Variants in PIWIL3 observed in about 807,000 individuals in gnomAD.
PIWIL3 encodes the protein piwi like RNA-mediated gene silencing 3.
A neutral mutation model predicts 109.7 loss-of-function variants in PIWIL3; 101 were observed. The observed-to-expected ratio is 0.92, with a 90% CI of 0.78 to 1.09. PIWIL3 has a LOEUF of 1.09. Among genes scored for constraint, PIWIL3 ranks in the 50% least tolerant of loss-of-function variants. The pLI is 0.00. For synonymous variants in PIWIL3, 373 were observed against 376.4 expected, an observed-to-expected ratio of 0.99 and a Z score of 0.10; for missense variants, 1,031 against 1,072.6, an observed-to-expected ratio of 0.96 and a Z score of 0.54.
intron 12 of PIWIL3, among the ~76,000 whole-genome samples, 179 bp from the exon 13 acceptor site, chr22:24,736,071 T>C (rs1422192515): frequency 6.6e-6 from 1 of 152,220 alleles, no homozygotes; most frequent in African/African-American, 2.4e-5. Flanking sequence ...AATTCTATCC[T>C]AGGTGTTAAA....
In PIWIL3 at chr22:24,754,008, A is replaced by G. The variant is rs762422313; in HGVS notation, c.977+6T>C. The G allele has an allele frequency of 6.3e-7, 1 of 1,590,420 alleles. No homozygotes were observed. Among genetic ancestry groups the G allele is most frequent in the South Asian group, 1.1e-5 (1 of 90,550 alleles). On this transcript the variant is annotated splice_donor_region_variant and intron_variant, in intron 8 of 20. Coordinates refer to ENST00000616349, the MANE Select transcript of PIWIL3 (RefSeq NM_001255975.1). ...GATTGGATAGGTTTTTAAAAGACAG[A>G]CTTACTTTGTCAGAACAATTGATCC...
intron 3 of PIWIL3, among the ~76,000 whole-genome samples, chr22:24,759,222 A>G (rs908004346): frequency 2.6e-5 from 4 of 152,262 alleles, no homozygotes; most frequent in Non-Finnish European, 4.4e-5. Context: ...ACAACCCTTC[A>G]GATAGGATCT....
At chr22:24,751,086 T>C (rs1245215705) in intron 9 of PIWIL3, among the ~76,000 whole-genome samples, 1 of 151,378 alleles carries the variant, frequency 6.6e-6, no homozygotes, top group African/African-American at 2.4e-5. Flanking sequence ...ATCATGCCAC[T>C]GCATTCCAGC....
At chr22:24,724,838 C>T in intron 18 of PIWIL3, 49 bp downstream of exon 18, 1 of 1,571,494 alleles carries the variant, frequency 6.4e-7, no homozygotes, top group South Asian at 1.2e-5. Context: ...TTCCAAAGTG[C>T]TGGGATTACA....
chr22:24,731,801 G>A (rs1044978044), intron 14 of PIWIL3, among the ~76,000 whole-genome samples: 7 of 151,972 alleles, frequency 4.6e-5, no homozygotes, highest in Admixed American at 3.3e-4. Context: ...CCTGTAACTC[G>A]TTACAGAAAT....
intron 14 of PIWIL3, among the ~76,000 whole-genome samples, chr22:24,731,784 C>A (rs917512753): frequency 3.3e-5 from 5 of 152,158 alleles, no homozygotes; most frequent in Admixed American, 1.3e-4. Context: ...AATTTCCAGG[C>A]CTTCTCCCTG....
chr22:24,761,559 C>T (rs537262421), intron 2 of PIWIL3, among the ~76,000 whole-genome samples: 1 of 152,294 alleles, frequency 6.6e-6, no homozygotes, highest in East Asian at 1.9e-4. Context: ...CACCTGCTGA[C>T]TTGGGAGACA....
rs762503923 is a variant in PIWIL3 at position 24,751,483 on chromosome 22, G to C, written c.993C>G (p.Thr331=). 3.4e-5 allele frequency: 54 copies of C among 1,610,928 alleles called. No individual in the cohort carries two copies. The highest frequency in any genetic ancestry group is 4.5e-5 in the Non-Finnish European group (53 of 1,179,376). ...SIVLTKYNNK[T]YRVDDIDWKQ... is the part of the protein sequence containing the mutation. ...TCCAATCAATATCATCTACTCTGTA[G>C]GTTTTGTTGTTGTATCTGTGGAATA... is the stretch of plus-strand genomic sequence containing the variant. Residue 331 remains threonine (T), a synonymous_variant, in exon 9 of 21, where the codon ACC becomes ACG. Coordinates refer to ENST00000616349, the MANE Select transcript of PIWIL3 (RefSeq NM_001255975.1).
At chr22:24,766,783 A>C (rs996353344) in intron 1 of PIWIL3, among the ~76,000 whole-genome samples, 3 of 152,068 alleles carry the variant, frequency 2.0e-5, no homozygotes, top group Middle Eastern at 3.4e-3. Flanking sequence ...TTGAAATTGC[A>C]CCATTATCCT....
intron 5 of PIWIL3, 66 bp from the exon 6 acceptor site, chr22:24,755,971 C>A: frequency 6.5e-7 from 1 of 1,534,062 alleles, no homozygotes; most frequent in East Asian, 2.3e-5. Context: ...CTTCATTGCA[C>A]GGCAAATCAC....
At chr22:24,764,542 AAAAAT>A (rs149445857) in intron 1 of PIWIL3, among the ~76,000 whole-genome samples, 5,486 of 152,180 alleles carry the variant, frequency 0.036, 132 homozygotes, top group African/African-American at 0.051. Context: ...GTTCTTAAAT[AAAAAT>A]AAAATAAAAA....
intron 9 of PIWIL3, among the ~76,000 whole-genome samples, chr22:24,750,168 G>A (rs560968705): frequency 6.6e-5 from 10 of 151,912 alleles, no homozygotes; most frequent in African/African-American, 1.4e-4. Context: ...ACTGAAAACC[G>A]TCAAGAGGAC....
At chr22:24,737,057 T>C (rs910702634) in intron 12 of PIWIL3, among the ~76,000 whole-genome samples, 4 of 152,114 alleles carry the variant, frequency 2.6e-5, no homozygotes, top group Non-Finnish European at 4.4e-5. Context: ...TCAGAGCTCA[T>C]AAACTAGGGG....
chr22:24,740,792 C>T (rs2147676540), intron 12 of PIWIL3, among the ~76,000 whole-genome samples: 1 of 152,132 alleles, frequency 6.6e-6, no homozygotes. Context: ...CAAAAAAAGT[C>T]CAGGACCAGA....
intron 1 of PIWIL3, among the ~76,000 whole-genome samples, chr22:24,768,616 C>T (rs1655501982): frequency 6.6e-6 from 1 of 152,180 alleles, no homozygotes; most frequent in Admixed American, 6.5e-5. Context: ...CTGTGGCTGA[C>T]AGCAATGTCT....
chr22:24,756,845 C>T, intron 4 of PIWIL3, 140 bp from the exon 5 acceptor site: 5 of 696,992 alleles, frequency 7.2e-6, no homozygotes, highest in Non-Finnish European at 1.2e-5. Flanking sequence ...TCTGGGAGGC[C>T]AAGGCGGGTG....
At chr22:24,723,636 AAAG>A (rs1438896333) in intron 18 of PIWIL3, among the ~76,000 whole-genome samples, 4 of 152,314 alleles carry the variant, frequency 2.6e-5, no homozygotes, top group Admixed American at 2.6e-4. Flanking sequence ...GTCTAGGATA[AAAG>A]AAGGATAAGT....
intron 9 of PIWIL3, among the ~76,000 whole-genome samples, chr22:24,750,609 C>T (rs1924651432): frequency 6.6e-6 from 1 of 150,724 alleles, no homozygotes; most frequent in African/African-American, 2.4e-5. Context: ...CTGCTTCAGC[C>T]TCCTGAGTAG....
intron 12 of PIWIL3, among the ~76,000 whole-genome samples, chr22:24,743,330 A>G (rs1924119669): frequency 6.6e-6 from 1 of 152,224 alleles, no homozygotes; most frequent in Non-Finnish European, 1.5e-5. Flanking sequence ...TTGAACTAGC[A>G]ATCCCACTAC....
Sources: gnomAD v4.1 joint callset for allele counts (sites outside exome capture counted in the v4.1 genomes callset) on GRCh38, gnomAD v4.1.1 for gene constraint, MANE v1.5 for transcripts, NCBI Gene and HGNC (gene_info 2026-07-23, HGNC 2026-07-21) for gene names.